The following TARS3 variants were observed in gnomAD, a reference collection of about 807,000 sequenced individuals.
The protein encoded by TARS3 is threonine--tRNA ligase 2, cytoplasmic.
A neutral mutation model predicts 103.5 loss-of-function variants in TARS3; 94 were observed. The ratio of observed to expected loss-of-function variants is 0.91; its 90% CI spans 0.77 to 1.08. The LOEUF is 1.08. Among genes scored for constraint, TARS3 ranks in the 50% least tolerant of loss-of-function variants. TARS3 has a pLI of 0.00. For missense variants in TARS3, 952 were observed against 995.2 expected, an observed-to-expected ratio of 0.96 and a Z score of 0.58; for synonymous variants, 416 against 355.4, an observed-to-expected ratio of 1.17 and a Z score of -1.92.
intron 15 of TARS3, among the ~76,000 whole-genome samples, chr15:101,665,868 A>G (rs1429234380): frequency 6.6e-6 from 1 of 152,238 alleles, no homozygotes; most frequent in Non-Finnish European, 1.5e-5. Context: ...TAAATTTAAT[A>G]CAAAGTAAAA....
At chr15:101,675,899 T>C (rs1453057987) in intron 12 of TARS3, among the ~76,000 whole-genome samples, 162 bp from the exon 13 acceptor site, 3 of 152,198 alleles carry the variant, frequency 2.0e-5, no homozygotes, top group Non-Finnish European at 4.4e-5. Context: ...GAACCTTCGT[T>C]TGAGTGCTAG....
intron 7 of TARS3, 130 bp downstream of exon 7, chr15:101,705,553 T>C: frequency 1.4e-6 from 1 of 724,370 alleles, no homozygotes; most frequent in South Asian, 1.7e-5. Context: ...ATTTTGAAGA[T>C]TGTAACTACG....
intron 1 of TARS3, 113 bp from the exon 2 acceptor site, chr15:101,723,277 G>A (rs1334343752): frequency 5.8e-6 from 5 of 867,966 alleles, no homozygotes; most frequent in African/African-American, 1.7e-5. Flanking sequence ...GCTCATAGCT[G>A]GGCTCTCCTG....
chr15:101,662,909 A>T (rs750794787), intron 15 of TARS3, among the ~76,000 whole-genome samples: 1 of 152,216 alleles, frequency 6.6e-6, no homozygotes, highest in African/African-American at 2.4e-5. Context: ...TAAACATTGG[A>T]ATGAATGCCA....
intron 8 of TARS3, 106 bp from the exon 9 acceptor site, chr15:101,702,491 C>T (rs977010799): frequency 1.2e-5 from 11 of 948,762 alleles, no homozygotes; most frequent in Non-Finnish European, 1.6e-5. Flanking sequence ...ACAAAGCAGC[C>T]CTGCATGGTG....
chr15:101,715,522 A>G (rs1166875850), intron 3 of TARS3, among the ~76,000 whole-genome samples: 2 of 152,242 alleles, frequency 1.3e-5, no homozygotes, highest in Non-Finnish European at 2.9e-5. Context: ...TAAATATCAT[A>G]AATCACTACT....
Position 101,721,146 on chromosome 15 carries a change from G to T in TARS3, c.546C>A (p.Tyr182Ter). Residue 182 changes from tyrosine (Y) to a stop codon, truncating the protein, a stop_gained, in exon 3 of 19, where the codon TAC becomes TAA. Transcript: ENST00000335968. LOFTEE classifies it high-confidence loss of function. ...VQGEVWKTTP[Y>*]QVAAEISQEL... ...TTTACCTAATTTCAGCAGCCACTTG[G>T]TAAGGCGTTGTTTTCCAGACTTCCC... The T allele has an allele frequency of 6.3e-7, 1 of 1,596,026 alleles. No homozygotes were observed. Among genetic ancestry groups the T allele is most frequent in the Non-Finnish European group, 8.6e-7 (1 of 1,165,102 alleles).
chr15:101,708,997 A>G, intron 5 of TARS3, 87 bp from the exon 6 acceptor site: 2 of 823,672 alleles, frequency 2.4e-6, no homozygotes, highest in Non-Finnish European at 3.8e-6. Flanking sequence ...AGCAGCCATA[A>G]ATTTGAATCT....
chr15:101,702,474 CAT>C, intron 8 of TARS3, 89 bp from the exon 9 acceptor site: 1 of 1,151,036 alleles, frequency 8.7e-7, no homozygotes, highest in Non-Finnish European at 1.3e-6. Flanking sequence ...TTTCCACTAT[CAT>C]ATCAACAAAG....
rs2271083 is a variant in TARS3, at chr15:101,724,184, C to T, written c.204G>A (p.Leu68=). 1.3e-4 allele frequency: 191 copies of T among 1,515,584 alleles called. 2 individuals are homozygous for T. The East Asian group carries it at 4.9e-3, about 39-fold the overall frequency. The allele number at this position is 1,515,584 out of a possible 1,614,324, so 93.9% of individuals were successfully genotyped here. A position where few individuals can be genotyped will look rare whatever the true frequency, so the allele number is the denominator to read the frequency against. ...RAENCDLRHR[L]CSLRLCLAEE... is the part of the protein sequence containing the mutation. ...CGGCGAGGCACAGCCGCAGGCTGCA[C>T]AGGCGGTGGCGCAGGTCGCAGTTCT... Residue 68 remains leucine (L), a synonymous_variant, in exon 1 of 19, where the codon CTG becomes CTA. Coordinates refer to ENST00000335968, the MANE Select transcript of TARS3 (RefSeq NM_152334.3).
At chr15:101,660,733 G>A (rs988780616) in intron 16 of TARS3, among the ~76,000 whole-genome samples, 4 of 152,184 alleles carry the variant, frequency 2.6e-5, no homozygotes, top group African/African-American at 7.2e-5. Context: ...AAGAGATGTA[G>A]CCAGATGGAA....
chr15:101,721,487 TTTG>T (rs1022619372), intron 2 of TARS3, among the ~76,000 whole-genome samples, 165 bp from the exon 3 acceptor site: 11 of 152,034 alleles, frequency 7.2e-5, no homozygotes, highest in Non-Finnish European at 1.2e-4. Context: ...TGTTTTTTGG[TTTG>T]TTGTTGTTGT....
chr15:101,705,452 T>C (rs916282539), intron 7 of TARS3, among the ~76,000 whole-genome samples: 1 of 152,206 alleles, frequency 6.6e-6, no homozygotes, highest in Non-Finnish European at 1.5e-5. Flanking sequence ...AAAAATCCTG[T>C]TATAGCTAAC....
At chr15:101,711,347 TG>T (rs1421519603) in intron 5 of TARS3, among the ~76,000 whole-genome samples, 4 of 152,338 alleles carry the variant, frequency 2.6e-5, no homozygotes, top group African/African-American at 7.2e-5. Flanking sequence ...TTTTCAAAAT[TG>T]GTCAACCAAT....
At chr15:101,682,990 C>G (rs1178003726) in intron 12 of TARS3, among the ~76,000 whole-genome samples, 1 of 152,144 alleles carries the variant, frequency 6.6e-6, no homozygotes, top group African/African-American at 2.4e-5. Context: ...CTGTCTCATT[C>G]CTGACATTTT....
chr15:101,713,655 A>G (rs554433082), intron 4 of TARS3, among the ~76,000 whole-genome samples: 2 of 152,348 alleles, frequency 1.3e-5, no homozygotes, highest in South Asian at 4.1e-4. Context: ...GGAATGAGCT[A>G]TTGGGTATGT....
At position 101,654,590 on chromosome 15, in the gene TARS3, C is replaced by G. The variant is rs544521136; in HGVS notation, c.2401G>C (p.Ala801Pro). The G allele has an allele frequency of 1.1e-5, 17 of 1,610,210 alleles. No individual in the cohort carries two copies. The South Asian group carries it at 1.1e-4, about 11-fold the overall frequency. Reference sequence around the variant, plus strand: ...AATATCAGGGAAGGACTTCAAAAGGCCTCCTCAGCATTGAGTGTCCGTGTC... The same window carrying G: ...AATATCAGGGAAGGACTTCAAAAGGGCTCCTCAGCATTGAGTGTCCGTGTC... ...RKTRTLNAEE[A>P]F is the part of the protein sequence containing the mutation. Residue 801 changes from alanine to proline, a missense_variant, in exon 19 of 19, where the codon GCC becomes CCC. Transcript: ENST00000335968.
At chr15:101,655,639 G>C (rs1897173048) in intron 18 of TARS3, among the ~76,000 whole-genome samples, 1 of 144,990 alleles carries the variant, frequency 6.9e-6, no homozygotes, top group African/African-American at 2.6e-5. Flanking sequence ...CCTGGCACTA[G>C]GGCGCAAATG....
At chr15:101,713,849 C>T (rs1899995318) in intron 4 of TARS3, among the ~76,000 whole-genome samples, 1 of 152,132 alleles carries the variant, frequency 6.6e-6, no homozygotes, top group South Asian at 2.1e-4. Context: ...ATTCAGTCTA[C>T]AGTACTGAAC....
Sources: gnomAD v4.1 joint callset for allele counts (sites outside exome capture counted in the v4.1 genomes callset) on GRCh38, gnomAD v4.1.1 for gene constraint, MANE v1.5 for transcripts, NCBI Gene and HGNC (gene_info 2026-07-23, HGNC 2026-07-21) for gene names.